PLPPR5: variants seen among roughly 807,000 people sequenced by gnomAD.
PLPPR5 encodes the protein phospholipid phosphatase-related protein type 5.
In PLPPR5, 16 loss-of-function variants were observed where a neutral mutation model predicts 33.9. The ratio of observed to expected loss-of-function variants is 0.47; its 90% CI spans 0.32 to 0.72. PLPPR5 has a LOEUF of 0.72. Among genes scored for constraint, PLPPR5 ranks in the 30% least tolerant of loss-of-function variants. The probability of loss-of-function intolerance (pLI) is 0.03; values close to 1 mark genes in which losing one functional copy is unlikely to be tolerated. For synonymous variants in PLPPR5, 163 were observed against 150.3 expected, an observed-to-expected ratio of 1.08 and a Z score of -0.62; for missense variants, 301 against 406.7, an observed-to-expected ratio of 0.74 and a Z score of 2.23.
At chr1:98,907,112 T>C (rs1006765826) in intron 5 of PLPPR5, among the ~76,000 whole-genome samples, 8 of 152,158 alleles carry the variant, frequency 5.3e-5, no homozygotes, top group African/African-American at 1.9e-4. Flanking sequence ...CTATCTTTCA[T>C]CTGACATTCA....
chr1:98,925,905 G>A (rs1600777), intron 3 of PLPPR5, among the ~76,000 whole-genome samples: 16,693 of 152,148 alleles, frequency 0.11, 1,126 homozygotes, highest in East Asian at 0.21. Context: ...GAGAACCCTG[G>A]CCACAATGTA....
chr1:98,891,557 G>C lies in PLPPR5; in HGVS notation c.*1515C>G, dbSNP rs953650487. 1 of 151,984 alleles carries C rather than the reference G, an allele frequency of 6.6e-6. No individual in the cohort carries two copies. The highest frequency in any genetic ancestry group is 1.5e-5 in the Non-Finnish European group (1 of 67,990). 9.4% of individuals were successfully genotyped at this position (151,984 alleles called of 1,614,324 possible). ...ATTCTACATGCTAAATGTAAGGTAT[G>C]TCCCTTGGGCACTCTGCTGAGTGGG... On this transcript the variant is annotated 3_prime_UTR_variant, in exon 6 of 6. Coordinates refer to ENST00000263177, the MANE Select transcript of PLPPR5 (RefSeq NM_001037317.2).
intron 3 of PLPPR5, among the ~76,000 whole-genome samples, chr1:98,934,969 G>A (rs1650123387): frequency 6.6e-6 from 1 of 152,118 alleles, no homozygotes; most frequent in Non-Finnish European, 1.5e-5. Flanking sequence ...TAAAGTGGAA[G>A]GAAGTTTACA....
intron 3 of PLPPR5, among the ~76,000 whole-genome samples, chr1:98,937,521 T>C (rs1183539211): frequency 1.3e-5 from 2 of 152,144 alleles, no homozygotes; most frequent in East Asian, 1.9e-4. Context: ...TGTAGGAAGC[T>C]GCACTCCCTG....
chr1:98,990,737 A>T (rs1652422866), intron 1 of PLPPR5: 1 of 151,956 alleles, frequency 6.6e-6, no homozygotes, highest in Admixed American at 6.6e-5. Flanking sequence ...TGGACTTTAT[A>T]ACCTAGGCCT....
intron 2 of PLPPR5, among the ~76,000 whole-genome samples, chr1:98,954,910 G>A (rs1219538969): frequency 6.6e-6 from 1 of 152,006 alleles, no homozygotes; most frequent in Non-Finnish European, 1.5e-5. Flanking sequence ...TTATAACAGA[G>A]AGAAATATTT....
intron 1 of PLPPR5, among the ~76,000 whole-genome samples, chr1:98,989,101 G>A (rs1375814190): frequency 6.6e-6 from 1 of 152,036 alleles, no homozygotes; most frequent in Non-Finnish European, 1.5e-5. Flanking sequence ...TGCAGTTGCT[G>A]ACACTTCTCG....
rs147783007 is a variant in PLPPR5 at position 98,953,698 on chromosome 1, C to A, written c.371-378G>T. ...ACTAATGTTAGCAATTTCCTTTTTT[C>A]CCCCATTTTTTGAAAATTTTTTTAT... On this transcript the variant is annotated intron_variant, in intron 2 of 5. Transcript: ENST00000263177. Among the ~76,000 whole-genome samples the A allele has an allele frequency of 5.6e-4, 85 of 152,134 alleles. No individual in the cohort carries two copies. The East Asian group carries it at 0.016, about 28-fold the overall frequency.
In PLPPR5 at chr1:99,001,671, G is replaced by GATAGATATATAT. The variant is rs1247519605; in HGVS notation, c.237+2763_237+2764insATATATATCTAT. ...ACTAGAAATGAGTTTGAAAGTTAAA[G>GATAGATATATAT]ATATATATATATATATATATATATA... On this transcript the variant is annotated intron_variant, in intron 1 of 5. Transcript: ENST00000263177. Among the ~76,000 whole-genome samples the GATAGATATATAT allele has an allele frequency of 3.1e-3, 312 of 102,156 alleles. 5 individuals are homozygous for GATAGATATATAT. The highest frequency in any genetic ancestry group is 0.017 in the East Asian group (47 of 2,688). The allele number at this position is 102,156 out of a possible 152,430, so 67.0% of individuals were successfully genotyped here. A position where few individuals can be genotyped will look rare whatever the true frequency, so the allele number is the denominator to read the frequency against.
intron 1 of PLPPR5, among the ~76,000 whole-genome samples, chr1:98,978,905 T>C (rs1157803483): frequency 6.6e-6 from 1 of 152,054 alleles, no homozygotes; most frequent in Non-Finnish European, 1.5e-5. Flanking sequence ...TTATTAGTTA[T>C]CTTTCCTTCC....
intron 3 of PLPPR5, among the ~76,000 whole-genome samples, chr1:98,925,596 T>G (rs907635561): frequency 6.6e-6 from 1 of 152,248 alleles, no homozygotes; most frequent in Non-Finnish European, 1.5e-5. Flanking sequence ...TAATATGCAT[T>G]GACTCACTTG....
chr1:99,005,514 C>G (rs1346609116), upstream of PLPPR5, among the ~76,000 whole-genome samples: 2 of 152,062 alleles, frequency 1.3e-5, no homozygotes, highest in African/African-American at 4.8e-5. Context: ...AAATCATAGC[C>G]CAGTAGCTCC....
chr1:98,914,034 C>T (rs1350568176), intron 5 of PLPPR5, among the ~76,000 whole-genome samples: 1 of 152,146 alleles, frequency 6.6e-6, no homozygotes, highest in Non-Finnish European at 1.5e-5. Flanking sequence ...GACCTTTGTG[C>T]ACTGAGATTC....
chr1:98,899,070 G>C (rs1228921617), intron 5 of PLPPR5, among the ~76,000 whole-genome samples: 1 of 152,110 alleles, frequency 6.6e-6, no homozygotes, highest in East Asian at 1.9e-4. Flanking sequence ...AATCACCCAG[G>C]ATCTTTAAGA....
In PLPPR5 at chr1:98,953,235, A is replaced by G; in HGVS notation, c.456T>C (p.Leu152=). 1 of 1,614,088 alleles carries G rather than the reference A, an allele frequency of 6.2e-7. No homozygotes were observed. The highest frequency in any genetic ancestry group is 8.5e-7 in the Non-Finnish European group (1 of 1,180,002). Residue 152 remains leucine, a synonymous_variant, in exon 3 of 6, where the codon CTT becomes CTC. Transcript: ENST00000263177. ...VVTGNLAPHF[L]ALCKPNYTAL... Reference sequence around the variant, plus strand: ...CTGTATAATTGGGCTTACACAGGGCAAGGAAATGTGGGGCCAGATTTCCTG... The same window carrying G: ...CTGTATAATTGGGCTTACACAGGGCGAGGAAATGTGGGGCCAGATTTCCTG...
chr1:98,909,860 G>A (rs752056221), intron 5 of PLPPR5, among the ~76,000 whole-genome samples: 20 of 152,104 alleles, frequency 1.3e-4, no homozygotes, highest in African/African-American at 4.1e-4. Flanking sequence ...GGGATGCAAC[G>A]GGCCAGTTTC....
chr1:98,954,197 T>C (rs1650917643), intron 2 of PLPPR5, among the ~76,000 whole-genome samples: 1 of 152,172 alleles, frequency 6.6e-6, no homozygotes, highest in South Asian at 2.1e-4. Flanking sequence ...AAAACTTATT[T>C]TTCTATTATA....
At chr1:98,908,761 C>G (rs576805713) in intron 5 of PLPPR5, among the ~76,000 whole-genome samples, 2 of 152,196 alleles carry the variant, frequency 1.3e-5, no homozygotes, top group East Asian at 3.9e-4. Flanking sequence ...GAAGCTGAAC[C>G]CTGGGCATGA....
At chr1:98,951,747 T>A (rs1650792076) in intron 3 of PLPPR5, among the ~76,000 whole-genome samples, 1 of 152,214 alleles carries the variant, frequency 6.6e-6, no homozygotes, top group Admixed American at 6.5e-5. Context: ...TTCCATATAT[T>A]CTTTCTGCTT....
Sources: allele counts gnomAD v4.1 joint callset (sites outside exome capture counted in the v4.1 genomes callset), GRCh38; gene constraint gnomAD v4.1.1; transcripts MANE v1.5; gene names NCBI Gene and HGNC (gene_info 2026-07-23, HGNC 2026-07-21).